Variants in MGAT5 observed in about 807,000 individuals in gnomAD.
The protein encoded by MGAT5 is alpha-1,6-mannosylglycoprotein 6-beta-N-acetylglucosaminyltransferase.
Under a neutral mutation model 94.3 loss-of-function variants are expected in MGAT5, and 30 were observed. That is an observed-to-expected ratio of 0.32 (90% CI 0.24 to 0.43). The LOEUF (loss-of-function observed/expected upper bound fraction) is 0.43, where lower values mean the gene tolerates loss of function less well. Among genes scored for constraint, MGAT5 ranks in the 20% least tolerant of loss-of-function variants. MGAT5 has a pLI of 1.00. For missense variants in MGAT5, 691 were observed against 905.5 expected, an observed-to-expected ratio of 0.76 and a Z score of 3.04; for synonymous variants, 310 against 322.9, an observed-to-expected ratio of 0.96 and a Z score of 0.43.
chr2:134,120,767 C>T (rs1685534593), intron 1 of MGAT5, among the ~76,000 whole-genome samples: 1 of 151,876 alleles, frequency 6.6e-6, no homozygotes. Context: ...ACTGGGCGGG[C>T]TCGGCCAGGG....
chr2:134,381,010 T>C (rs1212276617), intron 10 of MGAT5, among the ~76,000 whole-genome samples: 1 of 151,760 alleles, frequency 6.6e-6, no homozygotes, highest in East Asian at 1.9e-4. Flanking sequence ...GTTGCCCCCC[T>C]TTCTTGCTCT....
intron 1 of MGAT5, among the ~76,000 whole-genome samples, chr2:134,207,406 G>A (rs1389523561): frequency 6.6e-6 from 1 of 152,082 alleles, no homozygotes; most frequent in African/African-American, 2.4e-5. Flanking sequence ...AGTATATAAG[G>A]TGAATAGTTA....
chr2:134,146,154 C>T (rs1686908750), intron 1 of MGAT5, among the ~76,000 whole-genome samples: 1 of 152,110 alleles, frequency 6.6e-6, no homozygotes, highest in Admixed American at 6.5e-5. Context: ...CATTAAATGC[C>T]TTAATTTCAT....
chr2:134,424,821 G>T (rs947253249), intron 13 of MGAT5, among the ~76,000 whole-genome samples: 19 of 152,270 alleles, frequency 1.2e-4, no homozygotes, highest in South Asian at 1.2e-3. Flanking sequence ...GGCATTTCTT[G>T]GCTTGCAGCC....
chr2:134,300,221 CT>C (rs1685934196), intron 2 of MGAT5, among the ~76,000 whole-genome samples: 1 of 152,156 alleles, frequency 6.6e-6, no homozygotes, highest in Non-Finnish European at 1.5e-5. Flanking sequence ...TTTAGACCAT[CT>C]TCTCTTTTCA....
chr2:134,370,751 G>A (rs1242660474), intron 10 of MGAT5, among the ~76,000 whole-genome samples: 3 of 152,338 alleles, frequency 2.0e-5, no homozygotes, highest in East Asian at 3.9e-4. Context: ...GAATAGGCAA[G>A]GGAGGAACAG....
At chr2:134,155,217 C>T (rs1455984797) in intron 1 of MGAT5, among the ~76,000 whole-genome samples, 1 of 152,212 alleles carries the variant, frequency 6.6e-6, no homozygotes, top group Non-Finnish European at 1.5e-5. Flanking sequence ...GCTGCCACCA[C>T]CCTGGCCCAG....
intron 11 of MGAT5, 40 bp downstream of exon 11, chr2:134,403,177 A>G (rs1448590542): frequency 6.4e-7 from 1 of 1,556,064 alleles, no homozygotes; most frequent in Non-Finnish European, 8.6e-7. Flanking sequence ...GGTTATTGCC[A>G]TTGGCTGTGA....
At chr2:134,267,848 C>T (rs763924886) in intron 1 of MGAT5, among the ~76,000 whole-genome samples, 3 of 152,214 alleles carry the variant, frequency 2.0e-5, no homozygotes, top group Non-Finnish European at 2.9e-5. Context: ...ATGGAAGTCA[C>T]ACATGATGCA....
intron 1 of MGAT5, among the ~76,000 whole-genome samples, chr2:134,219,073 G>C (rs12987785): frequency 6.6e-6 from 1 of 152,120 alleles, no homozygotes; most frequent in Non-Finnish European, 1.5e-5. Flanking sequence ...CCAGTAATTA[G>C]AGAATTTGAG....
At chr2:134,379,014 G>A (rs867179476) in intron 10 of MGAT5, among the ~76,000 whole-genome samples, 33 of 152,192 alleles carry the variant, frequency 2.2e-4, no homozygotes, top group African/African-American at 7.0e-4. Context: ...CCGGCTTTCA[G>A]TGGGTGATGG....
At chr2:134,366,765 T>A (rs562306691) in intron 10 of MGAT5, among the ~76,000 whole-genome samples, 88 of 152,340 alleles carry the variant, frequency 5.8e-4, no homozygotes, top group African/African-American at 2.0e-3. Flanking sequence ...GAGCATGCTT[T>A]GAGCAGCAAG....
intron 1 of MGAT5, among the ~76,000 whole-genome samples, chr2:134,189,602 G>GTGTTTTTTTTTTTTT (rs1689232175): frequency 1.2e-5 from 1 of 84,672 alleles, no homozygotes; most frequent in Non-Finnish European, 2.3e-5. Flanking sequence ...GTTTTTTTTT[G>GTGTTTTTTTTTTTTT]TTTTTTTTTT....
chr2:134,272,498 G>A (rs527348753), intron 2 of MGAT5, among the ~76,000 whole-genome samples: 4 of 151,962 alleles, frequency 2.6e-5, no homozygotes, highest in African/African-American at 9.7e-5. Flanking sequence ...AATTTTTACT[G>A]GCTAATTAGG....
chr2:134,169,443 T>C (rs569451189), intron 1 of MGAT5, among the ~76,000 whole-genome samples: 294 of 148,822 alleles, frequency 2.0e-3, no homozygotes, highest in African/African-American at 7.2e-3. Flanking sequence ...CACACACATA[T>C]ATAAAAGATT....
In MGAT5 at chr2:134,451,112, C is replaced by T. The variant is rs1686083331; in HGVS notation, c.*2265C>T. ...GAGCAAAGTTTAACCCACTTAGCCA[C>T]TGCTACTTAAGCAAGGAAGCTGAAA... is the stretch of plus-strand genomic sequence containing the variant. On this transcript the variant is annotated 3_prime_UTR_variant, in exon 16 of 16. Coordinates refer to ENST00000281923, the MANE Select transcript of MGAT5 (RefSeq NM_002410.5). 1 of 152,110 alleles carries T rather than the reference C, an allele frequency of 6.6e-6. No individual in the cohort carries two copies. The highest frequency in any genetic ancestry group is 2.4e-5 in the African/African-American group (1 of 41,406). 9.4% of individuals were successfully genotyped at this position (152,110 alleles called of 1,614,324 possible).
At position 134,180,225 on chromosome 2, in the gene MGAT5, G is replaced by C. The variant is rs371783497; in HGVS notation, c.-143+59934G>C. Reference sequence around the variant, plus strand: ...CTGCCTGTGGAGTAGCCATTCTTTTGTTTCTTCTCTAATGAACTTGTTTTC... The same window carrying C: ...CTGCCTGTGGAGTAGCCATTCTTTTCTTTCTTCTCTAATGAACTTGTTTTC... On this transcript the variant is annotated intron_variant, in intron 1 of 16. Transcript: ENST00000409645. Among the ~76,000 whole-genome samples, 21 of 152,252 alleles carry C rather than the reference G, an allele frequency of 1.4e-4. No homozygotes were observed. The East Asian group carries it at 3.5e-3, about 25-fold the overall frequency.
intron 2 of MGAT5, among the ~76,000 whole-genome samples, chr2:134,315,488 G>A (rs1242320843): frequency 6.6e-6 from 1 of 152,200 alleles, no homozygotes; most frequent in African/African-American, 2.4e-5. Context: ...GGCTTCTGGA[G>A]CTGGCAGCTA....
At chr2:134,378,752 A>C (rs145355320) in intron 10 of MGAT5, among the ~76,000 whole-genome samples, 3,245 of 151,866 alleles carry the variant, frequency 0.021, 116 homozygotes, top group African/African-American at 0.069. Context: ...AGTAGCTGGG[A>C]TAACAGGCGT....
Sources: allele counts gnomAD v4.1 joint callset (sites outside exome capture counted in the v4.1 genomes callset), GRCh38; gene constraint gnomAD v4.1.1; transcripts MANE v1.5; gene names NCBI Gene and HGNC (gene_info 2026-07-23, HGNC 2026-07-21).